The following AOPEP variants were observed in gnomAD, a reference collection of about 807,000 sequenced individuals.
The protein encoded by AOPEP is aminopeptidase O.
A neutral mutation model predicts 98.1 loss-of-function variants in AOPEP; 77 were observed. The ratio of observed to expected loss-of-function variants is 0.78; its 90% CI spans 0.65 to 0.95. AOPEP has a LOEUF of 0.95. Ranked by LOEUF, AOPEP falls within the 40% of genes least tolerant of loss-of-function variation. The pLI is 0.00. For synonymous variants in AOPEP, 346 were observed against 365.3 expected, an observed-to-expected ratio of 0.95 and a Z score of 0.60; for missense variants, 1,024 against 1,024.7, an observed-to-expected ratio of 1.00 and a Z score of 0.01.
At chr9:94,857,703 A>G (rs543237933) in intron 5 of AOPEP, among the ~76,000 whole-genome samples, 6 of 152,282 alleles carry the variant, frequency 3.9e-5, no homozygotes, top group African/African-American at 1.4e-4. Context: ...CAGAACAAGG[A>G]CCCAAAGTGA....
chr9:94,824,902 A>G (rs1004760961), intron 5 of AOPEP: 1 of 141,748 alleles, frequency 7.1e-6, no homozygotes, highest in African/African-American at 2.6e-5. Context: ...CCATTTGACA[A>G]CAGCATTTTC....
intron 5 of AOPEP, among the ~76,000 whole-genome samples, chr9:94,892,199 T>A (rs1424918324): frequency 6.6e-6 from 1 of 152,232 alleles, no homozygotes; most frequent in East Asian, 1.9e-4. Flanking sequence ...CTTACTCAGC[T>A]TCTTGAAACT....
At chr9:95,134,392 C>T in the AOPEP span, among the ~76,000 whole-genome samples, 5 of 152,070 alleles carry the variant, frequency 3.3e-5, no homozygotes, top group African/African-American at 9.7e-5. Flanking sequence ...AGCTCAAGGG[C>T]GAGGGTGAAC....
rs768193180 is a variant in AOPEP, at chr9:95,085,443, T to G, written c.*5-1239T>G. On this transcript the variant is annotated intron_variant, in intron 16 of 16. Transcript: ENST00000375315. ...CCGTCCCTTTATTTATGCCCAGCGA[T>G]GACCTCTCTAACAAGGTGCAGAGCT... 3 of 532,906 alleles carry G rather than the reference T, an allele frequency of 5.6e-6. No homozygotes were observed. The African/African-American group carries it at 5.8e-5, about 10-fold the overall frequency. 33.0% of individuals were successfully genotyped at this position (532,906 alleles called of 1,614,324 possible).
intron 13 of AOPEP, among the ~76,000 whole-genome samples, chr9:95,015,690 G>T (rs1452528644): frequency 1.3e-5 from 2 of 152,190 alleles, no homozygotes; most frequent in African/African-American, 2.4e-5. Context: ...CTCTATAAGG[G>T]AAGTCATCAC....
intron 1 of AOPEP, among the ~76,000 whole-genome samples, chr9:94,746,335 A>T (rs1049113496): frequency 1.3e-5 from 2 of 152,158 alleles, no homozygotes; most frequent in African/African-American, 4.8e-5. Flanking sequence ...GCTTGGGTTG[A>T]CATCTTGGAA....
At chr9:95,082,252 T>A (rs2069890367) in intron 15 of AOPEP, among the ~76,000 whole-genome samples, 1 of 152,196 alleles carries the variant, frequency 6.6e-6, no homozygotes, top group Non-Finnish European at 1.5e-5. Context: ...CTGGGAACCA[T>A]CTCTGTCTGT....
At chr9:95,014,005 C>T (rs1236547410) in intron 13 of AOPEP, among the ~76,000 whole-genome samples, 1 of 152,080 alleles carries the variant, frequency 6.6e-6, no homozygotes, top group Non-Finnish European at 1.5e-5. Context: ...ATGAGAATAA[C>T]TTTTTTGTTT....
chr9:95,149,575 T>C, the AOPEP span, among the ~76,000 whole-genome samples: 1 of 151,488 alleles, frequency 6.6e-6, no homozygotes, highest in African/African-American at 2.4e-5. Context: ...GCCTCCCAGG[T>C]GGAAGCGATC....
chr9:94,798,192 G>T (rs150187290), intron 4 of AOPEP, among the ~76,000 whole-genome samples: 230 of 152,312 alleles, frequency 1.5e-3, no homozygotes, highest in Non-Finnish European at 2.5e-3. Flanking sequence ...TGGCTTTCCT[G>T]ATGCCATTTC....
chr9:95,103,437 G>A, the AOPEP span, among the ~76,000 whole-genome samples: 533 of 152,320 alleles, frequency 3.5e-3, 4 homozygotes, highest in African/African-American at 0.012. Context: ...AACTTTTGCT[G>A]TTGTTGCTGT....
chr9:95,014,547 G>A (rs2062826769), intron 13 of AOPEP, among the ~76,000 whole-genome samples: 1 of 152,070 alleles, frequency 6.6e-6, no homozygotes, highest in Non-Finnish European at 1.5e-5. Context: ...TGTTCTGTCT[G>A]TGAAAAGTAA....
At chr9:94,791,014 A>G (rs1373819732) in intron 3 of AOPEP, among the ~76,000 whole-genome samples, 1 of 152,186 alleles carries the variant, frequency 6.6e-6, no homozygotes, top group Non-Finnish European at 1.5e-5. Context: ...GTTCCTCCCT[A>G]TGGGAACATG....
chr9:95,039,178 G>A (rs2065081530), intron 13 of AOPEP, among the ~76,000 whole-genome samples: 1 of 152,158 alleles, frequency 6.6e-6, no homozygotes, highest in Non-Finnish European at 1.5e-5. Context: ...GTTGGAGTCT[G>A]CATCTTGAGC....
intron 2 of AOPEP, chr9:94,763,470 G>A (rs1838838072): frequency 1.1e-5 from 2 of 180,630 alleles, no homozygotes; most frequent in African/African-American, 4.8e-5. Context: ...AGATATGTGT[G>A]TTTCCAAGGG....
At chr9:95,061,328 C>T (rs1179600782) in intron 14 of AOPEP, among the ~76,000 whole-genome samples, 6 of 152,106 alleles carry the variant, frequency 3.9e-5, no homozygotes, top group Admixed American at 3.9e-4. Context: ...AGTGTGAATC[C>T]TAAGACAAAT....
intron 14 of AOPEP, among the ~76,000 whole-genome samples, chr9:95,062,254 A>T (rs1282741968): frequency 3.7e-5 from 2 of 54,552 alleles, no homozygotes; most frequent in Non-Finnish European, 1.4e-4. Context: ...AACGGGGCAG[A>T]TCTCTAGTAC....
chr9:94,802,110 T>A (rs987246049), intron 5 of AOPEP, among the ~76,000 whole-genome samples: 11 of 152,194 alleles, frequency 7.2e-5, no homozygotes, highest in African/African-American at 2.4e-4. Flanking sequence ...TAATTATATA[T>A]ATTTGGTTAC....
At position 94,969,532 on chromosome 9, in the gene AOPEP, C is replaced by T. The variant is rs182383513; in HGVS notation, c.1916+1731C>T. On this transcript the variant is annotated intron_variant, in intron 10 of 16. Transcript: ENST00000375315. ...AAGCCATTCTTCTGCCTCAGCCTCC[C>T]GAGTAGCTGGGACTATAGGCGCCCG... Among the ~76,000 whole-genome samples the T allele has an allele frequency of 4.5e-3, 677 of 151,996 alleles. 4 individuals are homozygous for T. Among genetic ancestry groups the T allele is most frequent in the African/African-American group, 0.015 (627 of 41,446 alleles).
Sources: allele counts gnomAD v4.1 joint callset (sites outside exome capture counted in the v4.1 genomes callset), GRCh38; gene constraint gnomAD v4.1.1; transcripts MANE v1.5; gene names NCBI Gene and HGNC (gene_info 2026-07-23, HGNC 2026-07-21).